The following CPVL variants were observed in gnomAD, a reference collection of about 807,000 sequenced individuals.
CPVL encodes carboxypeptidase vitellogenic like.
In CPVL, 51 loss-of-function variants were observed where a neutral mutation model predicts 63.7. That is an observed-to-expected ratio of 0.80 (90% CI 0.64 to 1.01). The LOEUF (loss-of-function observed/expected upper bound fraction) is 1.01. Among genes scored for constraint, CPVL ranks in the 50% least tolerant of loss-of-function variants. The probability of loss-of-function intolerance (pLI) is 0.00; values close to 1 mark genes in which losing one functional copy is unlikely to be tolerated. For missense variants in CPVL, 530 were observed against 573.1 expected (o/e 0.92, Z 0.77); for synonymous variants, 195 against 206.0 (o/e 0.95, Z 0.46).
chr7:29,123,483 G>A (rs1278406313), intron 1 of CPVL, among the ~76,000 whole-genome samples: 1 of 150,318 alleles, frequency 6.7e-6, no homozygotes, highest in Non-Finnish European at 1.5e-5. Context: ...GACCTCTATG[G>A]CACTGTGAAA....
rs200288084 is a variant in CPVL at position 29,071,833 on chromosome 7, C to T, written c.804G>A (p.Gln268=). ...LLDEKQKKYF[Q]KQCHECIEHI... is the part of the protein sequence containing the mutation. ...GTTCTATGCATTCATGGCACTGCTT[C>T]TGGAAGTACTTTTTTTGCTTCTCAT... Residue 268 remains glutamine, a synonymous_variant, in exon 9 of 13, where the codon CAG becomes CAA. Transcript: ENST00000265394. The T allele has an allele frequency of 2.4e-5, 38 of 1,613,260 alleles. 1 individual carries two copies. The highest frequency in any genetic ancestry group is 2.8e-5 in the Non-Finnish European group (33 of 1,179,742).
chr7:29,024,800 G>A (rs1787330071), intron 12 of CPVL, among the ~76,000 whole-genome samples: 1 of 152,086 alleles, frequency 6.6e-6, no homozygotes, highest in African/African-American at 2.4e-5. Context: ...AAAAACTGAG[G>A]ACATTCATTA....
chr7:29,027,982 G>T (rs1051802967), intron 12 of CPVL, among the ~76,000 whole-genome samples: 1 of 151,904 alleles, frequency 6.6e-6, no homozygotes, highest in Non-Finnish European at 1.5e-5. Context: ...ACCCCAAATA[G>T]TGAAAGCAAT....
chr7:29,100,611 A>G (rs1037663205), intron 3 of CPVL, among the ~76,000 whole-genome samples: 1 of 152,180 alleles, frequency 6.6e-6, no homozygotes, highest in Non-Finnish European at 1.5e-5. Flanking sequence ...GAGAGCCCAC[A>G]CTACAAAGTC....
chr7:29,038,264 G>T (rs1788740259), intron 11 of CPVL, among the ~76,000 whole-genome samples: 1 of 152,072 alleles, frequency 6.6e-6, no homozygotes, highest in East Asian at 1.9e-4. Context: ...GGTGATTAGG[G>T]GATAAGAGCA....
chr7:29,121,889 T>C (rs1395314281), intron 1 of CPVL, among the ~76,000 whole-genome samples: 2 of 152,158 alleles, frequency 1.3e-5, no homozygotes, highest in African/African-American at 2.4e-5. Flanking sequence ...GTCCTACAAC[T>C]ACCCTTAGGT....
intron 12 of CPVL, among the ~76,000 whole-genome samples, chr7:29,017,418 G>A (rs1786526493): frequency 6.6e-6 from 1 of 152,322 alleles, no homozygotes; most frequent in Middle Eastern, 3.4e-3. Flanking sequence ...CGGATCACTT[G>A]AGGTCAGGAG....
intron 12 of CPVL, among the ~76,000 whole-genome samples, chr7:29,006,598 G>A (rs1562719484): frequency 6.6e-6 from 1 of 152,136 alleles, no homozygotes; most frequent in East Asian, 1.9e-4. Flanking sequence ...CTCCAGAGCT[G>A]ATCTGTTTAG....
At chr7:29,016,747 T>C (rs925396674) in intron 12 of CPVL, among the ~76,000 whole-genome samples, 1 of 152,158 alleles carries the variant, frequency 6.6e-6, no homozygotes, top group Non-Finnish European at 1.5e-5. Context: ...GACGCCAGCA[T>C]GCAGTGATCT....
chr7:29,156,484 G>A (rs1367066574), intron 5 of CPVL, among the ~76,000 whole-genome samples: 2 of 152,164 alleles, frequency 1.3e-5, no homozygotes, highest in Non-Finnish European at 2.9e-5. Context: ...TCAATCTAAA[G>A]ATGGCGATCT....
At chr7:29,124,322 T>A (rs1050498538) in intron 1 of CPVL, among the ~76,000 whole-genome samples, 3 of 152,136 alleles carry the variant, frequency 2.0e-5, no homozygotes, top group Non-Finnish European at 4.4e-5. Context: ...TGAAATAATA[T>A]GAAAACAGTG....
chr7:29,086,581 T>G, intron 6 of CPVL, 31 bp from the exon 7 acceptor site: 1 of 1,477,886 alleles, frequency 6.8e-7, no homozygotes, highest in Non-Finnish European at 9.5e-7. Flanking sequence ...ACAACACAAA[T>G]TAATCAGAAA....
chr7:29,024,403 T>C (rs1188269926), intron 12 of CPVL, among the ~76,000 whole-genome samples: 2 of 152,032 alleles, frequency 1.3e-5, no homozygotes, highest in Non-Finnish European at 2.9e-5. Flanking sequence ...GAAGAAGAGG[T>C]AAGCAAAGGC....
intron 1 of CPVL, among the ~76,000 whole-genome samples, chr7:29,129,174 G>A (rs979331859): frequency 6.6e-6 from 1 of 152,182 alleles, no homozygotes; most frequent in African/African-American, 2.4e-5. Flanking sequence ...TAACCCAAGA[G>A]ATATGACAAA....
At chr7:29,186,962 C>T (rs1798789949) in intron 1 of CPVL, among the ~76,000 whole-genome samples, 1 of 152,126 alleles carries the variant, frequency 6.6e-6, no homozygotes, top group African/African-American at 2.4e-5. Context: ...GTTTTCTAGC[C>T]TCAGTTTCCC....
chr7:29,138,186 C>T (rs1039070840), intron 1 of CPVL, among the ~76,000 whole-genome samples: 6 of 152,122 alleles, frequency 3.9e-5, no homozygotes, highest in Non-Finnish European at 1.5e-5. Flanking sequence ...GCCTGTAATC[C>T]CAGCACTTTG....
chr7:29,173,268 G>A (rs1156244226), intron 5 of CPVL, among the ~76,000 whole-genome samples: 1 of 152,076 alleles, frequency 6.6e-6, no homozygotes, highest in African/African-American at 2.4e-5. Context: ...AAAAAGCCCT[G>A]TAGCTGGCAT....
At chr7:29,042,252 G>T (rs1438510363) in intron 11 of CPVL, among the ~76,000 whole-genome samples, 1 of 152,010 alleles carries the variant, frequency 6.6e-6, no homozygotes, top group Non-Finnish European at 1.5e-5. Flanking sequence ...CTTGCTATTG[G>T]CTTGCCCTGC....
chr7:29,071,326 CAT>C (rs2128575510), intron 9 of CPVL, among the ~76,000 whole-genome samples: 1 of 152,306 alleles, frequency 6.6e-6, no homozygotes, highest in South Asian at 2.1e-4. Flanking sequence ...ACGTGTGTCA[CAT>C]GTCATCTGTT....
Sources: allele counts gnomAD v4.1 joint callset (sites outside exome capture counted in the v4.1 genomes callset), GRCh38; gene constraint gnomAD v4.1.1; transcripts MANE v1.5; gene names NCBI Gene and HGNC (gene_info 2026-07-23, HGNC 2026-07-21).